PARVG: variants seen among roughly 807,000 people sequenced by gnomAD.
PARVG encodes gamma-parvin.
A neutral mutation model predicts 44.4 loss-of-function variants in PARVG; 36 were observed. The observed-to-expected ratio is 0.81, with a 90% CI of 0.62 to 1.07. PARVG has a LOEUF of 1.07. Among genes scored for constraint, PARVG ranks in the 50% least tolerant of loss-of-function variants. The pLI, the probability that PARVG is intolerant of heterozygous loss-of-function variation, is 0.00. For synonymous variants in PARVG, 170 were observed against 174.1 expected, an observed-to-expected ratio of 0.98 and a Z score of 0.19; for missense variants, 407 against 407.4, an observed-to-expected ratio of 1.00 and a Z score of 0.01.
chr22:44,200,094 G>A (rs1310397627), intron 12 of PARVG, among the ~76,000 whole-genome samples: 2 of 152,132 alleles, frequency 1.3e-5, no homozygotes, highest in Non-Finnish European at 2.9e-5. Context: ...TCCTGCCTCC[G>A]CCCCCGCCAG....
In PARVG at chr22:44,181,184, G is replaced by A. The variant is rs758552358; in HGVS notation, c.-190G>A. On this transcript the variant is annotated splice_region_variant and 5_prime_UTR_variant, in exon 1 of 14. Coordinates refer to ENST00000444313, the MANE Select transcript of PARVG (RefSeq NM_022141.7). ...TTGTGCCAAGCATTGTTCTAGACAC[G>A]GGTATGTAACCGCGATTGAGAGAGA... 1.9e-4 allele frequency: 76 copies of A among 392,552 alleles called. No individual in the cohort carries two copies. The highest frequency in any genetic ancestry group is 2.6e-3 in the Middle Eastern group (2 of 778). The allele number at this position is 392,552 out of a possible 1,614,324, so 24.3% of individuals were successfully genotyped here. A position where few individuals can be genotyped will look rare whatever the true frequency, so the allele number is the denominator to read the frequency against.
At chr22:44,183,816 T>C (rs980839749) in intron 3 of PARVG, 37 of 393,662 alleles carry the variant, frequency 9.4e-5, no homozygotes, top group Non-Finnish European at 1.5e-4. Context: ...TAGCAAGTGG[T>C]GGACCTGGGT....
In PARVG at chr22:44,182,419, G is replaced by C. The variant is rs2054396302; in HGVS notation, c.-13+502G>C. Among the ~76,000 whole-genome samples the C allele has an allele frequency of 6.6e-6, 1 of 152,170 alleles. No homozygotes were observed. The highest frequency in any genetic ancestry group is 2.4e-5 in the African/African-American group (1 of 41,448). ...TTGGATATTAAGGGGCTGGGAGTCAGTTGTGTCCCCACCACCTCCATGCTA... is the reference window on the plus strand; with the variant it reads ...TTGGATATTAAGGGGCTGGGAGTCACTTGTGTCCCCACCACCTCCATGCTA... On this transcript the variant is annotated intron_variant, in intron 2 of 13. Coordinates refer to ENST00000444313, the MANE Select transcript of PARVG (RefSeq NM_022141.7). This position sits in a 1 kb window ranked among gnomAD's most constrained non-coding sequence, Gnocchi z 4.6.
chr22:44,191,581 C>G lies in PARVG; in HGVS notation c.505-468C>G, dbSNP rs994674250. On this transcript the variant is annotated intron_variant, in intron 7 of 13. Transcript: ENST00000444313. ...CCTGGCTAATTTTTTGTATTTTTGG[C>G]AGAGATGGGGTTTCACCGTGTTGCC... 1.6e-4 allele frequency among the ~76,000 whole-genome samples: 24 copies of G among 151,624 alleles called. 1 individual carries two copies. Among genetic ancestry groups the G allele is most frequent in the Admixed American group, 1.2e-3 (19 of 15,224 alleles).
intron 4 of PARVG, 110 bp downstream of exon 4, chr22:44,185,982 G>C: frequency 8.1e-6 from 8 of 992,952 alleles, no homozygotes; most frequent in South Asian, 5.8e-5. Flanking sequence ...GCCTCAGGCT[G>C]GGGGGTGGCG....
intron 5 of PARVG, chr22:44,188,848 C>G (rs888353352): frequency 2.0e-6 from 1 of 502,712 alleles, no homozygotes; most frequent in African/African-American, 1.9e-5. Context: ...TGGGCTCTCT[C>G]AACCAGCTCA....
In PARVG at chr22:44,182,065, A is replaced by G. The variant is rs2054389013; in HGVS notation, c.-13+148A>G. ...CGGTAAAGTGGGACCTTGAGTCCCC[A>G]CGGCCCCTCCGGCTGCCCCTGCTCA... On this transcript the variant is annotated intron_variant, in intron 2 of 13. Coordinates refer to ENST00000444313, the MANE Select transcript of PARVG (RefSeq NM_022141.7). This position sits in a 1 kb window ranked among gnomAD's most constrained non-coding sequence, Gnocchi z 4.6. 1.7e-6 allele frequency: 1 copy of G among 602,054 alleles called. No individual in the cohort carries two copies. The highest frequency in any genetic ancestry group is 6.3e-5 in the Admixed American group (1 of 15,790). The allele number at this position is 602,054 out of a possible 1,614,324, so 37.3% of individuals were successfully genotyped here.
intron 2 of PARVG, chr22:44,183,076 C>A (rs1601727877): frequency 2.0e-6 from 1 of 510,250 alleles, no homozygotes; most frequent in East Asian, 3.6e-5. Flanking sequence ...CTCCGCCAAG[C>A]CTTTGCTTGG....
At chr22:44,204,605 T>G (rs982493048) in intron 12 of PARVG, among the ~76,000 whole-genome samples, 1 of 152,248 alleles carries the variant, frequency 6.6e-6, no homozygotes, top group Non-Finnish European at 1.5e-5. Context: ...TGCCTGGCCT[T>G]GCTCATCCAC....
At chr22:44,192,133 G>C in intron 8 of PARVG, 29 bp downstream of exon 8, 1 of 1,611,056 alleles carries the variant, frequency 6.2e-7, no homozygotes, top group Non-Finnish European at 8.5e-7. Context: ...CCCATGGGTG[G>C]GGCTGGGGCT....
intron 11 of PARVG, among the ~76,000 whole-genome samples, chr22:44,198,235 G>A (rs1269688110): frequency 6.6e-6 from 1 of 152,204 alleles, no homozygotes; most frequent in Non-Finnish European, 1.5e-5. Context: ...AGAACAGACA[G>A]AAATATTAAT....
At chr22:44,178,231 T>C (rs2054337185), upstream of PARVG, among the ~76,000 whole-genome samples, 8 of 152,176 alleles carry the variant, frequency 5.3e-5, no homozygotes, top group South Asian at 1.7e-3. Context: ...AGCTTTTCTG[T>C]GAGTTTGAAA....
chr22:44,204,673 C>T (rs184741482), intron 12 of PARVG, among the ~76,000 whole-genome samples: 58 of 152,390 alleles, frequency 3.8e-4, no homozygotes, highest in African/African-American at 1.4e-3. Context: ...CTGCCCTGTC[C>T]TGGTGGGGCT....
intron 7 of PARVG, among the ~76,000 whole-genome samples, chr22:44,191,718 C>T (rs1227220084): frequency 1.3e-5 from 2 of 152,054 alleles, no homozygotes; most frequent in Non-Finnish European, 2.9e-5. Context: ...TTTTTAAAAC[C>T]ATTGATTATA....
chr22:44,185,693 G>A, intron 3 of PARVG, 115 bp from the exon 4 acceptor site: 1 of 813,046 alleles, frequency 1.2e-6, no homozygotes, highest in Non-Finnish European at 2.0e-6. Context: ...GGGCGGAAGT[G>A]GCAGGACCGG....
rs776494544 is a variant in PARVG at position 44,198,581 on chromosome 22, G to C, written c.712-40G>C. The C allele has an allele frequency of 1.9e-5, 28 of 1,494,044 alleles. No individual in the cohort carries two copies. The Admixed American group carries it at 2.2e-4, about 12-fold the overall frequency. The allele number at this position is 1,494,044 out of a possible 1,614,324, so 92.5% of individuals were successfully genotyped here. A position where few individuals can be genotyped will look rare whatever the true frequency, so the allele number is the denominator to read the frequency against. On this transcript the variant is annotated intron_variant, in intron 11 of 13. Coordinates refer to ENST00000444313, the MANE Select transcript of PARVG (RefSeq NM_022141.7). ...TAAAAGACAGAGTGGGCTTCGCCAG[G>C]CTTCTTCCATGTGATTGTCTCCAGT...
chr22:44,183,766 G>A, intron 3 of PARVG: 1 of 399,992 alleles, frequency 2.5e-6, no homozygotes, highest in Non-Finnish European at 4.4e-6. Context: ...TGAGGAAACT[G>A]AGGCACAAGG....
chr22:44,204,199 A>G (rs1601750366), intron 12 of PARVG, among the ~76,000 whole-genome samples: 1 of 152,012 alleles, frequency 6.6e-6, no homozygotes, highest in South Asian at 2.1e-4. Flanking sequence ...GCTGCTGGGC[A>G]CCCTGCCCAT....
chr22:44,205,890 C>T, intron 13 of PARVG, 61 bp downstream of exon 13: 2 of 1,566,868 alleles, frequency 1.3e-6, no homozygotes, highest in African/African-American at 1.4e-5. Flanking sequence ...TGTGCGAGAG[C>T]CACAGAACAG....
Sources: allele counts gnomAD v4.1 joint callset (sites outside exome capture counted in the v4.1 genomes callset), GRCh38; gene constraint gnomAD v4.1.1; non-coding constraint Gnocchi (gnomAD v3.1); transcripts MANE v1.5; gene names NCBI Gene and HGNC (gene_info 2026-07-23, HGNC 2026-07-21).